The following NKAIN2 variants were observed in gnomAD, a reference collection of about 807,000 sequenced individuals.
NKAIN2 encodes sodium/potassium transporting ATPase interacting 2, also known as sodium/potassium-transporting ATPase subunit beta-1-interacting protein 2.
In NKAIN2, 14 loss-of-function variants were observed where a neutral mutation model predicts 32.6. That is an observed-to-expected ratio of 0.43 (90% CI 0.28 to 0.67). The LOEUF is 0.67. Ranked by LOEUF, NKAIN2 falls within the 30% of genes least tolerant of loss-of-function variation. NKAIN2 has a pLI of 0.17. For missense variants in NKAIN2, 198 were observed against 258.3 expected (o/e 0.77, Z 1.60); for synonymous variants, 80 against 87.2 (o/e 0.92, Z 0.46).
Position 124,384,067 on chromosome 6 carries a change from C to T in NKAIN2, c.273+28720C>T, listed in dbSNP as rs555378129. On this transcript the variant is annotated intron_variant, in intron 3 of 6. Coordinates refer to ENST00000368417, the MANE Select transcript of NKAIN2 (RefSeq NM_001040214.3). ...ATAAACATTAATTATCAGTATTAGC[C>T]ATTCTCTAGGAACATAATAGAAATA... 5.3e-5 allele frequency among the ~76,000 whole-genome samples: 8 copies of T among 152,166 alleles called. No homozygotes were observed. The East Asian group carries it at 1.6e-3, about 30-fold the overall frequency.
intron 2 of NKAIN2, among the ~76,000 whole-genome samples, chr6:124,290,932 G>A (rs1000875598): frequency 1.3e-5 from 2 of 151,874 alleles, no homozygotes; most frequent in Non-Finnish European, 2.9e-5. Flanking sequence ...ATTTTACTCC[G>A]ATGTCAACTG....
In NKAIN2 at chr6:124,559,965, C is replaced by T. The variant is rs142691700; in HGVS notation, c.274-98221C>T. 7.9e-3 allele frequency among the ~76,000 whole-genome samples: 1,152 copies of T among 146,610 alleles called. 4 individuals are homozygous for T. Among genetic ancestry groups the T allele is most frequent in the Middle Eastern group, 0.011 (3 of 270 alleles). The stretch of plus-strand genomic sequence containing the variant: ...ACTTCGGCTTATGTTATCTCACATT[C>T]GCCAGCACAACGTTAACACCCAGTC... On this transcript the variant is annotated intron_variant, in intron 3 of 6. Transcript: ENST00000368417.
At position 124,049,436 on chromosome 6, in the gene NKAIN2, G is replaced by A. The variant is rs1020046423; in HGVS notation, c.55-233569G>A. Among the ~76,000 whole-genome samples, 4 of 152,044 alleles carry A rather than the reference G, an allele frequency of 2.6e-5. No homozygotes were observed. The South Asian group carries it at 8.3e-4, about 32-fold the overall frequency. On this transcript the variant is annotated intron_variant, in intron 1 of 6. Coordinates refer to ENST00000368417, the MANE Select transcript of NKAIN2 (RefSeq NM_001040214.3). ...ATGTTTAGAGCTCCCCCGGGTTTAT[G>A]AAGAGAACCTGAAGGCAAAGTCAAC...
intron 4 of NKAIN2, among the ~76,000 whole-genome samples, chr6:124,713,015 A>G (rs1775577669): frequency 6.6e-6 from 1 of 152,122 alleles, no homozygotes; most frequent in Non-Finnish European, 1.5e-5. Flanking sequence ...CAGAAATAGT[A>G]CAGATGAAAG....
intron 4 of NKAIN2, among the ~76,000 whole-genome samples, chr6:124,681,813 C>T (rs1338807990): frequency 6.6e-6 from 1 of 151,974 alleles, no homozygotes; most frequent in Non-Finnish European, 1.5e-5. Flanking sequence ...TAATTCTATC[C>T]TTCTAAGCAC....
At chr6:124,465,357 T>C (rs753815281) in intron 3 of NKAIN2, among the ~76,000 whole-genome samples, 4 of 151,934 alleles carry the variant, frequency 2.6e-5, no homozygotes, top group Non-Finnish European at 5.9e-5. Flanking sequence ...CTAGAAACCA[T>C]CATTCTCAGC....
chr6:124,527,829 G>A (rs1318481836), intron 3 of NKAIN2, among the ~76,000 whole-genome samples: 1 of 152,122 alleles, frequency 6.6e-6, no homozygotes, highest in Non-Finnish European at 1.5e-5. Flanking sequence ...GATAAGTGGA[G>A]GTTGCATAGG....
intron 3 of NKAIN2, among the ~76,000 whole-genome samples, chr6:124,399,184 C>G (rs986199405): frequency 4.6e-5 from 7 of 152,168 alleles, no homozygotes; most frequent in Admixed American, 6.5e-5. Context: ...ACCTTGGACT[C>G]CCAAAATGCT....
chr6:123,980,282 G>A (rs1213454933), intron 1 of NKAIN2, among the ~76,000 whole-genome samples: 4 of 152,108 alleles, frequency 2.6e-5, no homozygotes, highest in African/African-American at 9.7e-5. Flanking sequence ...GAAGACTGGA[G>A]GCTCTGAAGC....
chr6:124,112,957 T>C (rs546814896), intron 1 of NKAIN2, among the ~76,000 whole-genome samples: 110 of 150,122 alleles, frequency 7.3e-4, no homozygotes, highest in African/African-American at 2.3e-3. Context: ...TTACTTTCAT[T>C]GGGCTCTCAA....
At chr6:124,433,478 T>C (rs940715395) in intron 3 of NKAIN2, among the ~76,000 whole-genome samples, 1 of 152,180 alleles carries the variant, frequency 6.6e-6, no homozygotes, top group African/African-American at 2.4e-5. Context: ...AGAATTCTGA[T>C]AAACTGTCAT....
At chr6:124,151,726 A>G (rs1477266028) in intron 1 of NKAIN2, among the ~76,000 whole-genome samples, 1 of 151,948 alleles carries the variant, frequency 6.6e-6, no homozygotes, top group Non-Finnish European at 1.5e-5. Flanking sequence ...TACAGTTTTA[A>G]CTTGCCTTTT....
At chr6:124,402,213 A>G (rs1278223244) in intron 3 of NKAIN2, among the ~76,000 whole-genome samples, 1 of 152,128 alleles carries the variant, frequency 6.6e-6, no homozygotes, top group African/African-American at 2.4e-5. Context: ...CTGTTAAGAA[A>G]CCTGGACCTA....
At chr6:123,866,714 G>A (rs1285015581) in intron 1 of NKAIN2, among the ~76,000 whole-genome samples, 1 of 152,162 alleles carries the variant, frequency 6.6e-6, no homozygotes, top group Non-Finnish European at 1.5e-5. Context: ...ACAGGCGTGA[G>A]CCACCGCGCC....
At chr6:124,446,852 G>A (rs919315069) in intron 3 of NKAIN2, among the ~76,000 whole-genome samples, 4 of 152,010 alleles carry the variant, frequency 2.6e-5, no homozygotes, top group Non-Finnish European at 5.9e-5. Flanking sequence ...CTGTCCACAA[G>A]GGGACATTTC....
Position 123,806,552 on chromosome 6 carries a change from T to G in NKAIN2, c.54+2298T>G, listed in dbSNP as rs936526103. Among the ~76,000 whole-genome samples the G allele has an allele frequency of 9.2e-5, 14 of 152,174 alleles. No homozygotes were observed. The East Asian group carries it at 2.3e-3, about 25-fold the overall frequency. On this transcript the variant is annotated intron_variant, in intron 1 of 6. Transcript: ENST00000368417. ...CCCTGCACTAAAAAATAGGTGGGTG[T>G]GTATGTTTTCCTTTTGCTCTCAATA...
intron 1 of NKAIN2, among the ~76,000 whole-genome samples, chr6:124,088,198 A>C (rs1046066251): frequency 2.0e-5 from 3 of 151,934 alleles, no homozygotes; most frequent in Non-Finnish European, 4.4e-5. Context: ...ACATTAGCTC[A>C]CTTGATGCCA....
At chr6:124,145,116 A>G (rs1422103357) in intron 1 of NKAIN2, among the ~76,000 whole-genome samples, 1 of 152,216 alleles carries the variant, frequency 6.6e-6, no homozygotes, top group African/African-American at 2.4e-5. Context: ...AAATAAAAAT[A>G]CTAACAATAC....
At chr6:123,978,681 G>T (rs950687266) in intron 1 of NKAIN2, among the ~76,000 whole-genome samples, 1 of 151,542 alleles carries the variant, frequency 6.6e-6, no homozygotes, top group South Asian at 2.1e-4. Context: ...TTTCACAATT[G>T]TGTGTGTGTG....
Sources: allele counts gnomAD v4.1 joint callset (sites outside exome capture counted in the v4.1 genomes callset), GRCh38; gene constraint gnomAD v4.1.1; transcripts MANE v1.5; gene names NCBI Gene and HGNC (gene_info 2026-07-23, HGNC 2026-07-21).